MCMDC2: variants seen among roughly 807,000 people sequenced by gnomAD.
MCMDC2 encodes the protein minichromosome maintenance domain-containing protein 2.
MCMDC2 carries 54 observed loss-of-function variants against 75.8 expected under a neutral mutation model. The ratio of observed to expected loss-of-function variants is 0.71; its 90% CI spans 0.57 to 0.89. The LOEUF is 0.89. MCMDC2 is among the 40% of genes least tolerant of loss of function. MCMDC2 has a pLI of 0.00. For synonymous variants in MCMDC2, 249 were observed against 274.6 expected (o/e 0.91, Z 0.92); for missense variants, 656 against 780.4 (o/e 0.84, Z 1.90).
chr8:66,894,920 T>C (rs1812276712), intron 10 of MCMDC2, among the ~76,000 whole-genome samples: 1 of 152,222 alleles, frequency 6.6e-6, no homozygotes, highest in Non-Finnish European at 1.5e-5. Context: ...TCCCGTCACC[T>C]ACTCCCTCAC....
intron 13 of MCMDC2, among the ~76,000 whole-genome samples, chr8:66,902,936 G>A (rs1324344104): frequency 6.6e-6 from 1 of 151,180 alleles, no homozygotes; most frequent in Admixed American, 6.6e-5. Context: ...CCTGACTAAC[G>A]TGATGAAACC....
chr8:66,892,331 TC>T lies in MCMDC2; in HGVS notation c.1279+1264del, dbSNP rs200675146. On this transcript the variant is annotated intron_variant, in intron 10 of 14. Coordinates refer to ENST00000422365, the MANE Select transcript of MCMDC2 (RefSeq NM_173518.5). ...AGGAAAGTGTTACAGCCCTTTTTGC[TC>T]CCACTTGCAGCTCAGCAAGCCTGCC... is the stretch of plus-strand genomic sequence containing the variant. Among the ~76,000 whole-genome samples, 487 of 152,272 alleles carry T rather than the reference TC, an allele frequency of 3.2e-3. 2 individuals carry two copies. The highest frequency in any genetic ancestry group is 0.01 in the African/African-American group (435 of 41,550).
In MCMDC2 at chr8:66,890,827, T is replaced by C. The variant is rs544862658; in HGVS notation, c.1074-38T>C. On this transcript the variant is annotated intron_variant, in intron 9 of 14. Transcript: ENST00000422365. The stretch of plus-strand genomic sequence containing the variant: ...TTAATACATTGTGACTTTTGAAAAT[T>C]AAATAATAGTAATGAAAAGTTTATT... The C allele has an allele frequency of 3.9e-6, 6 of 1,522,548 alleles. No individual in the cohort carries two copies. The East Asian group carries it at 1.1e-4, about 29-fold the overall frequency. The allele number at this position is 1,522,548 out of a possible 1,614,324, so 94.3% of individuals were successfully genotyped here. A position where few individuals can be genotyped will look rare whatever the true frequency, so the allele number is the denominator to read the frequency against.
intron 13 of MCMDC2, among the ~76,000 whole-genome samples, chr8:66,902,692 CAAAAAAAA>C (rs530805303): frequency 1.7e-5 from 1 of 57,232 alleles, no homozygotes; most frequent in Admixed American, 2.9e-4. Context: ...GATTCTGTCT[CAAAAAAAA>C]AAAAAAAAAA....
At chr8:66,899,573 G>A (rs1170545198) in intron 12 of MCMDC2, among the ~76,000 whole-genome samples, 1 of 152,010 alleles carries the variant, frequency 6.6e-6, no homozygotes. Flanking sequence ...TTGGCTCATT[G>A]CAACCTCCGC....
intron 14 of MCMDC2, among the ~76,000 whole-genome samples, chr8:66,909,512 A>G (rs1813024993): frequency 6.6e-6 from 1 of 152,144 alleles, no homozygotes; most frequent in Non-Finnish European, 1.5e-5. Flanking sequence ...TGATATGGAC[A>G]ATGAAGTCCA....
In MCMDC2 at chr8:66,921,648, A is replaced by G. The variant is rs904217336; in HGVS notation, c.*2479A>G. On this transcript the variant is annotated 3_prime_UTR_variant, in exon 15 of 15. Coordinates refer to ENST00000422365, the MANE Select transcript of MCMDC2 (RefSeq NM_173518.5). ...GTATTAGGATGACTTTTTTGTTCAC[A>G]AAGATGAAAGCAAACTGAATAAAAA... The G allele has an allele frequency of 1.3e-5, 2 of 152,210 alleles. No individual in the cohort carries two copies. Among genetic ancestry groups the G allele is most frequent in the African/African-American group, 4.8e-5 (2 of 41,436 alleles). 9.4% of individuals were successfully genotyped at this position (152,210 alleles called of 1,614,324 possible). A position where few individuals can be genotyped will look rare whatever the true frequency, so the allele number is the denominator to read the frequency against.
Position 66,905,436 on chromosome 8 carries a change from T to C in MCMDC2, c.1879+101T>C, listed in dbSNP as rs187035605. On this transcript the variant is annotated intron_variant, in intron 14 of 14. Transcript: ENST00000422365. Reference sequence around the variant, plus strand: ...AAATGTTACATATATTTTTAAAATATTATTTTAAAGAATAACAAATCTCTA... The same window carrying C: ...AAATGTTACATATATTTTTAAAATACTATTTTAAAGAATAACAAATCTCTA... 4.5e-3 allele frequency: 4,648 copies of C among 1,030,240 alleles called. 18 individuals carry two copies. The highest frequency in any genetic ancestry group is 0.015 in the Middle Eastern group (40 of 2,724). The allele number at this position is 1,030,240 out of a possible 1,614,324, so 63.8% of individuals were successfully genotyped here.
At chr8:66,896,581 TACTC>T (rs1435817434) in intron 11 of MCMDC2, among the ~76,000 whole-genome samples, 195 bp from the exon 12 acceptor site, 5 of 151,982 alleles carry the variant, frequency 3.3e-5, no homozygotes, top group African/African-American at 4.8e-5. Flanking sequence ...TATAAGAAAA[TACTC>T]ACTAAAGAGG....
rs1813554365 is a variant in MCMDC2, at chr8:66,921,977, A to G, written c.*2808A>G. On this transcript the variant is annotated 3_prime_UTR_variant, in exon 15 of 15. Coordinates refer to ENST00000422365, the MANE Select transcript of MCMDC2 (RefSeq NM_173518.5). ...CTTTATTGTTCAGCAATTAAAAGTT[A>G]GCCAAATATGTATTTTTCTCCATAA... is the stretch of plus-strand genomic sequence containing the variant. The G allele has an allele frequency of 6.5e-6, 1 of 152,758 alleles. No homozygotes were observed. Among genetic ancestry groups the G allele is most frequent in the Non-Finnish European group, 1.5e-5 (1 of 68,396 alleles). 9.5% of individuals were successfully genotyped at this position (152,758 alleles called of 1,614,324 possible).
chr8:66,871,370 C>G (rs1203472653), intron 1 of MCMDC2: 1 of 152,206 alleles, frequency 6.6e-6, no homozygotes, highest in African/African-American at 2.4e-5. Flanking sequence ...ATTAGAGCAG[C>G]AGCATCCACC....
intron 8 of MCMDC2, among the ~76,000 whole-genome samples, chr8:66,882,657 C>T (rs1811643927): frequency 6.6e-6 from 1 of 152,146 alleles, no homozygotes; most frequent in Non-Finnish European, 1.5e-5. Flanking sequence ...AGCCACCACA[C>T]CTGGCCCAAG....
intron 9 of MCMDC2, among the ~76,000 whole-genome samples, chr8:66,885,257 T>C (rs993440383): frequency 6.7e-6 from 1 of 149,554 alleles, no homozygotes; most frequent in South Asian, 2.1e-4. Flanking sequence ...TGCTAGAACC[T>C]GGGAGGTGGA....
intron 8 of MCMDC2, among the ~76,000 whole-genome samples, chr8:66,882,642 G>T (rs570575103): frequency 6.6e-6 from 1 of 152,226 alleles, no homozygotes; most frequent in Non-Finnish European, 1.5e-5. Flanking sequence ...GGAATTACAG[G>T]CATTAGCCAC....
chr8:66,909,944 C>G lies in MCMDC2; in HGVS notation c.1879+4609C>G, dbSNP rs921617593. 2.6e-5 allele frequency among the ~76,000 whole-genome samples: 4 copies of G among 152,328 alleles called. No individual in the cohort carries two copies. The South Asian group carries it at 8.3e-4, about 32-fold the overall frequency. On this transcript the variant is annotated intron_variant, in intron 14 of 14. Transcript: ENST00000422365. The stretch of plus-strand genomic sequence containing the variant: ...TTTGTGGGCCAGGCCCAGGGCCTCC[C>G]TGCTTTGTGAAGTATCGGGACTTGG...
At chr8:66,900,628 G>A (rs1563383435) in intron 12 of MCMDC2, among the ~76,000 whole-genome samples, 1 of 151,854 alleles carries the variant, frequency 6.6e-6, no homozygotes, top group Non-Finnish European at 1.5e-5. Context: ...AAGAACTTTG[G>A]GAACTAGGAA....
intron 4 of MCMDC2, among the ~76,000 whole-genome samples, chr8:66,876,654 G>T (rs1359110807): frequency 2.0e-5 from 3 of 152,156 alleles, no homozygotes; most frequent in Non-Finnish European, 2.9e-5. Context: ...AGTAAGAAAT[G>T]ATACTTAACA....
intron 14 of MCMDC2, 136 bp downstream of exon 14, chr8:66,905,471 G>T: frequency 1.2e-6 from 1 of 809,456 alleles, no homozygotes. Flanking sequence ...ACCAGGTAAG[G>T]CCTGTTTTAA....
chr8:66,902,727 T>A (rs1457495200), intron 13 of MCMDC2, among the ~76,000 whole-genome samples: 51 of 139,308 alleles, frequency 3.7e-4, no homozygotes, highest in African/African-American at 1.3e-3. Flanking sequence ...TATATATATA[T>A]ATATATATAT....
Sources: allele counts gnomAD v4.1 joint callset (sites outside exome capture counted in the v4.1 genomes callset), GRCh38; gene constraint gnomAD v4.1.1; transcripts MANE v1.5; gene names NCBI Gene and HGNC (gene_info 2026-07-23, HGNC 2026-07-21).